LAMA1: variants seen among roughly 807,000 people sequenced by gnomAD.
LAMA1 encodes the protein laminin subunit alpha 1.
In LAMA1, 219 loss-of-function variants were observed where a neutral mutation model predicts 348.7. That is an observed-to-expected ratio of 0.63 (90% confidence interval 0.56 to 0.70). The LOEUF (loss-of-function observed/expected upper bound fraction) is 0.70, where lower values mean the gene tolerates loss of function less well. LAMA1 is among the 30% of genes least tolerant of loss of function. LAMA1 has a pLI of 0.00. For missense variants in LAMA1, 3,744 were observed against 3,888.0 expected (o/e 0.96, Z 0.99); for synonymous variants, 1,487 against 1,491.0 (o/e 1.00, Z 0.06).
Position 7,025,992 on chromosome 18 carries a change from T to C in LAMA1, c.2389A>G (p.Ile797Val), listed in dbSNP as rs746372383. 4.4e-6 allele frequency: 7 copies of C among 1,608,474 alleles called. No individual in the cohort carries two copies. The highest frequency in any genetic ancestry group is 4.0e-5 in the African/African-American group (3 of 74,856). ...DCQPCACPLT[I>V]ASNNFSPTCH... Reference sequence around the variant, plus strand: ...TCCGAGGCTTACTTGTTGGAGGCTATGGTGAGAGGGCAGGCGCAGGGCTGG... The same window carrying C: ...TCCGAGGCTTACTTGTTGGAGGCTACGGTGAGAGGGCAGGCGCAGGGCTGG... Residue 797 changes from isoleucine to valine, a missense_variant, in exon 17 of 63, where the codon ATA becomes GTA. Coordinates refer to ENST00000389658, the MANE Select transcript of LAMA1 (RefSeq NM_005559.4).
At chr18:7,099,349 C>T (rs2058281609) in intron 1 of LAMA1, among the ~76,000 whole-genome samples, 1 of 151,796 alleles carries the variant, frequency 6.6e-6, no homozygotes, top group African/African-American at 2.4e-5. Flanking sequence ...GCAGGGTCCT[C>T]TGCCTAGGAA....
chr18:6,944,289 T>C (rs2057513079), intron 61 of LAMA1, among the ~76,000 whole-genome samples: 1 of 152,216 alleles, frequency 6.6e-6, no homozygotes, highest in African/African-American at 2.4e-5. Context: ...GTGCCGGGAT[T>C]ACAGGTGTGA....
chr18:7,008,336 T>C (rs1283603796), intron 28 of LAMA1, 152 bp downstream of exon 28: 1 of 888,574 alleles, frequency 1.1e-6, no homozygotes, highest in Non-Finnish European at 1.7e-6. Context: ...TTTTGTTATG[T>C]ACATTTTACC....
intron 3 of LAMA1, among the ~76,000 whole-genome samples, chr18:7,058,939 G>A (rs1205686743): frequency 6.6e-6 from 1 of 152,048 alleles, no homozygotes; most frequent in Non-Finnish European, 1.5e-5. Flanking sequence ...GCCCAGGCTG[G>A]AGTGCAATGG....
Position 6,948,553 on chromosome 18 carries a change from T to C in LAMA1, c.8560A>G (p.Thr2854Ala). 6.2e-7 allele frequency: 1 copy of C among 1,614,194 alleles called. No homozygotes were observed. The highest frequency in any genetic ancestry group is 8.5e-7 in the Non-Finnish European group (1 of 1,180,034). The change falls in exon 60 of 63, where the codon ACC becomes GCC. Residue 2854 changes from threonine (T) to alanine (A), a missense_variant. By Grantham distance (58) the Thr-to-Ala change is moderately conservative. Transcript: ENST00000389658. ...CCAATGCAGGCAGGGATGCTGTGGGTGATCTAAGCCAAATGACATGCAAGA... is the reference window on the plus strand; with the variant it reads ...CCAATGCAGGCAGGGATGCTGTGGGCGATCTAAGCCAAATGACATGCAAGA... ...QYQARKIGNI[T>A]HSIPACIGDV...
At chr18:7,069,515 C>T (rs980646729) in intron 3 of LAMA1, among the ~76,000 whole-genome samples, 3 of 152,166 alleles carry the variant, frequency 2.0e-5, no homozygotes, top group Non-Finnish European at 4.4e-5. Context: ...CTATCTTTCC[C>T]AAGTTGAATC....
intron 3 of LAMA1, among the ~76,000 whole-genome samples, chr18:7,060,273 C>CAATT (rs111363668): frequency 0.052 from 7,945 of 152,204 alleles, 519 homozygotes; most frequent in East Asian, 0.2. Flanking sequence ...GCAGCATACT[C>CAATT]AACAGACAAA....
chr18:7,052,568 T>C (rs955415655), intron 3 of LAMA1, among the ~76,000 whole-genome samples: 5 of 149,648 alleles, frequency 3.3e-5, no homozygotes, highest in Non-Finnish European at 7.4e-5. Flanking sequence ...CTCTACTAAA[T>C]ACAAAAAAAT....
intron 42 of LAMA1, among the ~76,000 whole-genome samples, chr18:6,979,378 A>T (rs1016507311): frequency 1.3e-5 from 2 of 152,082 alleles, no homozygotes; most frequent in South Asian, 4.2e-4. Context: ...TTATTAAGAA[A>T]AAAAGGAGGA....
At chr18:7,008,385 G>A in intron 28 of LAMA1, 103 bp downstream of exon 28, 2 of 1,275,454 alleles carry the variant, frequency 1.6e-6, no homozygotes, top group Middle Eastern at 1.9e-4. Flanking sequence ...AGAAAAAAAT[G>A]ATATAGTAGA....
chr18:6,977,923 G>A, intron 43 of LAMA1, 42 bp from the exon 44 acceptor site: 1 of 1,599,922 alleles, frequency 6.3e-7, no homozygotes, highest in Non-Finnish European at 8.5e-7. Context: ...GAAAGTTGGG[G>A]AGAGGGAAAA....
chr18:6,968,098 T>C (rs491424), intron 48 of LAMA1, among the ~76,000 whole-genome samples: 8,439 of 152,264 alleles, frequency 0.055, 845 homozygotes, highest in African/African-American at 0.19. Flanking sequence ...CAAGTGGGTC[T>C]CTGCCTTGGT....
chr18:7,060,986 T>C (rs7235014), intron 3 of LAMA1, among the ~76,000 whole-genome samples: 23,956 of 151,970 alleles, frequency 0.16, 5,377 homozygotes, highest in African/African-American at 0.5. Flanking sequence ...CAAAACCTCA[T>C]CTCTGCAAAA....
intron 1 of LAMA1, among the ~76,000 whole-genome samples, chr18:7,093,979 G>A (rs1302626008): frequency 1.3e-5 from 2 of 151,850 alleles, no homozygotes; most frequent in South Asian, 2.1e-4. Flanking sequence ...GTTTTGCCAC[G>A]TTGTCCAAGC....
intron 3 of LAMA1, among the ~76,000 whole-genome samples, chr18:7,055,472 AAAAAAT>A (rs1277338666): frequency 6.6e-6 from 1 of 151,312 alleles, no homozygotes; most frequent in African/African-American, 2.4e-5. Context: ...AAAAAAAAAA[AAAAAAT>A]TTACCCACGT....
At chr18:6,997,618 G>A in intron 33 of LAMA1, 124 bp downstream of exon 33, 1 of 1,017,072 alleles carries the variant, frequency 9.8e-7, no homozygotes, top group Middle Eastern at 2.6e-4. Context: ...CCTGCCCGCA[G>A]GGGCTGATGG....
rs140908403 is a variant in LAMA1, at chr18:7,037,696, G to A, written c.1619C>T (p.Pro540Leu). ...VTDLISPRKI[P>L]SQQDALGGRH... The stretch of plus-strand genomic sequence containing the variant: ...CCCGCCTAGTGCATCTTGCTGAGAC[G>A]GGATCTTCCTGGGACTGATCAAGTC... The change falls in exon 12 of 63, where the codon CCG becomes CTG. Residue 540 changes from proline to leucine, a missense_variant. Around this residue, in one of 3 missense-constraint regions of LAMA1, gnomAD observed 1,529 missense variants for 1,689.4 expected, o/e 0.91. Transcript: ENST00000389658. The A allele has an allele frequency of 4.7e-4, 759 of 1,614,168 alleles. No individual in the cohort carries two copies. Among genetic ancestry groups the A allele is most frequent in the Admixed American group, 8.8e-4 (53 of 60,026 alleles).
chr18:6,955,324 C>T (rs367982980), intron 57 of LAMA1, 29 bp downstream of exon 57: 2 of 1,541,266 alleles, frequency 1.3e-6, no homozygotes, highest in African/African-American at 2.7e-5. Context: ...CAATGAGACG[C>T]CGCATAAGGA....
At chr18:7,076,620 A>T (rs2058169341) in intron 3 of LAMA1, among the ~76,000 whole-genome samples, 2 of 152,064 alleles carry the variant, frequency 1.3e-5, no homozygotes, top group African/African-American at 4.8e-5. Flanking sequence ...TTTAAGAAGC[A>T]TAGCAATCCA....
Sources: allele counts gnomAD v4.1 joint callset (sites outside exome capture counted in the v4.1 genomes callset), GRCh38; gene constraint gnomAD v4.1.1; regional missense constraint gnomAD v4.1.1; transcripts MANE v1.5; gene names NCBI Gene and HGNC (gene_info 2026-07-23, HGNC 2026-07-21).